Variants in PAXBP1 observed in about 807,000 individuals in gnomAD.
PAXBP1 encodes PAX3- and PAX7-binding protein 1.
In PAXBP1, 44 loss-of-function variants were observed where a neutral mutation model predicts 119.9. The observed-to-expected ratio is 0.37, with a 90% CI of 0.29 to 0.47. The LOEUF is 0.47. PAXBP1 is among the 20% of genes least tolerant of loss of function. The probability of loss-of-function intolerance (pLI) is 0.99; values close to 1 mark genes in which losing one functional copy is unlikely to be tolerated. For synonymous variants in PAXBP1, 393 were observed against 406.6 expected (o/e 0.97, Z 0.40); for missense variants, 898 against 1,134.1 (o/e 0.79, Z 2.99).
At chr21:32,736,138 G>A (rs1175769929) in intron 17 of PAXBP1, among the ~76,000 whole-genome samples, 1 of 152,084 alleles carries the variant, frequency 6.6e-6, no homozygotes, top group East Asian at 1.9e-4. Context: ...CACACACTAA[G>A]AACAAAATCA....
In PAXBP1 at chr21:32,751,212, G is replaced by A; in HGVS notation, c.1514C>T (p.Ala505Val). ...SSEFSSHSNK[A>V]LMAPNLDSFG... ...GGAGTCAAGATTTGGTGCCATCAGA[G>A]CTTTGTCTGCAAAACAACAACAGTT... The change falls in exon 9 of 18, where the codon GCT becomes GTT. Residue 505 changes from alanine to valine, a missense_variant. Physicochemically the swap from Ala to Val is moderately conservative, Grantham distance 64. This residue lies in a region of PAXBP1 where 599 missense variants were observed against 852.7 expected (regional missense o/e 0.70). Transcript: ENST00000331923. 1 of 1,613,880 alleles carries A rather than the reference G, an allele frequency of 6.2e-7. No individual in the cohort carries two copies. Among genetic ancestry groups the A allele is most frequent in the Non-Finnish European group, 8.5e-7 (1 of 1,179,820 alleles).
chr21:32,742,261 G>C (rs1001446308), intron 15 of PAXBP1: 1 of 150,902 alleles, frequency 6.6e-6, no homozygotes, highest in South Asian at 2.1e-4. Flanking sequence ...TTTTTTTTAA[G>C]GAAAAAATCT....
intron 13 of PAXBP1, among the ~76,000 whole-genome samples, chr21:32,744,580 C>G (rs540895912): frequency 4.6e-4 from 69 of 151,422 alleles, no homozygotes; most frequent in East Asian, 3.3e-3. Context: ...AAACTGAAAA[C>G]TAACATCTCT....
chr21:32,759,029 A>C, intron 7 of PAXBP1, 51 bp downstream of exon 7: 1 of 1,562,748 alleles, frequency 6.4e-7, no homozygotes, highest in Non-Finnish European at 8.8e-7. Flanking sequence ...GGCCATCTAG[A>C]CCTCCCTAAT....
intron 7 of PAXBP1, chr21:32,755,588 A>G (rs897955382): frequency 2.9e-6 from 1 of 350,462 alleles, no homozygotes; most frequent in Non-Finnish European, 5.1e-6. Flanking sequence ...AGCAAACATT[A>G]GTTAAGAAAT....
chr21:32,750,590 C>T (rs537311864), intron 10 of PAXBP1, among the ~76,000 whole-genome samples: 2 of 152,302 alleles, frequency 1.3e-5, no homozygotes, highest in Admixed American at 1.3e-4. Context: ...TACTGCCAAG[C>T]TTTACCTTTC....
chr21:32,748,754 A>G (rs2043913877), intron 10 of PAXBP1, 56 bp from the exon 11 acceptor site: 2 of 1,466,348 alleles, frequency 1.4e-6, no homozygotes, highest in Non-Finnish European at 1.9e-6. Flanking sequence ...TAGGAAAAAA[A>G]CAGTCCAATA....
intron 2 of PAXBP1, among the ~76,000 whole-genome samples, chr21:32,766,351 C>T (rs1018852975): frequency 5.3e-5 from 8 of 152,150 alleles, no homozygotes; most frequent in Admixed American, 5.2e-4. Flanking sequence ...TCACATGTTA[C>T]CCTTCCAGAC....
At position 32,759,897 on chromosome 21, in the gene PAXBP1, G is replaced by A. The variant is rs763777209; in HGVS notation, c.1073C>T (p.Thr358Met). Residue 358 changes from threonine (T) to methionine (M), a missense_variant, in exon 6 of 18, where the codon ACG (threonine) becomes ATG (methionine). This residue lies in a region of PAXBP1 where 599 missense variants were observed against 852.7 expected (regional missense o/e 0.70). Transcript: ENST00000331923. ...GSSYGIPYSY[T>M]AYGSSDAKSQ... is the part of the protein sequence containing the mutation. ...TTTGGCATCTGATGATCCATAGGCC[G>A]TATAACTATAAGGAATGCCATAGGA... 16 of 1,613,310 alleles carry A rather than the reference G, an allele frequency of 9.9e-6. No individual in the cohort carries two copies. The highest frequency in any genetic ancestry group is 5.0e-5 in the Admixed American group (3 of 59,998).
chr21:32,734,259 G>A lies in PAXBP1; in HGVS notation c.*691C>T, dbSNP rs2043661148. Reference sequence around the variant, plus strand: ...GGTCAGCCCAAAACCATGCAATTAGGTTGTGGGTTTATTATTTTCAAAAGT... The same window carrying A: ...GGTCAGCCCAAAACCATGCAATTAGATTGTGGGTTTATTATTTTCAAAAGT... On this transcript the variant is annotated 3_prime_UTR_variant, in exon 18 of 18. Transcript: ENST00000331923. 1 of 152,692 alleles carries A rather than the reference G, an allele frequency of 6.5e-6. No individual in the cohort carries two copies. Among genetic ancestry groups the A allele is most frequent in the South Asian group, 2.1e-4 (1 of 4,836 alleles). The allele number at this position is 152,692 out of a possible 1,614,324, so 9.5% of individuals were successfully genotyped here.
intron 2 of PAXBP1, among the ~76,000 whole-genome samples, chr21:32,766,741 T>C (rs2044248156): frequency 6.6e-6 from 1 of 152,208 alleles, no homozygotes; most frequent in African/African-American, 2.4e-5. Flanking sequence ...TCAAGCAATT[T>C]AGCAAAAGAT....
Position 32,764,544 on chromosome 21 carries a change from A to C in PAXBP1, c.473-20T>G. ...GTTCACCTAAATTTTTGAAGAATTAAAATATATGTAAAATAAAATTCATAA... is the reference window on the plus strand; with the variant it reads ...GTTCACCTAAATTTTTGAAGAATTACAATATATGTAAAATAAAATTCATAA... On this transcript the variant is annotated intron_variant, in intron 2 of 17. Transcript: ENST00000331923. The C allele has an allele frequency of 6.6e-7, 1 of 1,509,978 alleles. No individual in the cohort carries two copies. Among genetic ancestry groups the C allele is most frequent in the Non-Finnish European group, 8.9e-7 (1 of 1,120,002 alleles). The allele number at this position is 1,509,978 out of a possible 1,614,324, so 93.5% of individuals were successfully genotyped here.
chr21:32,771,143 C>A (rs910858286), intron 1 of PAXBP1, among the ~76,000 whole-genome samples, 183 bp downstream of exon 1: 13 of 152,240 alleles, frequency 8.5e-5, no homozygotes, highest in African/African-American at 3.1e-4. Context: ...CTGGGGGCAG[C>A]GCGGGAACGC....
At chr21:32,738,460 A>G in intron 15 of PAXBP1, 141 bp from the exon 16 acceptor site, 1 of 673,272 alleles carries the variant, frequency 1.5e-6, no homozygotes, top group East Asian at 3.1e-5. Flanking sequence ...TTTCAAAGGT[A>G]CAGATATTTC....
At chr21:32,770,723 C>A (rs2044324761) in intron 1 of PAXBP1, among the ~76,000 whole-genome samples, 1 of 152,190 alleles carries the variant, frequency 6.6e-6, no homozygotes, top group South Asian at 2.1e-4. Context: ...ATTTTTACAC[C>A]GTCTCGCTTC....
At position 32,738,680 on chromosome 21, in the gene PAXBP1, C is replaced by T. The variant is rs186836687; in HGVS notation, c.2335-361G>A. On this transcript the variant is annotated intron_variant, in intron 15 of 17. Coordinates refer to ENST00000331923, the MANE Select transcript of PAXBP1 (RefSeq NM_016631.4). ...CTATGCACACCCCCACCCCGCCCCG[C>T]GCTGCCCACAAAAGATGGGAGAGTC... is the stretch of plus-strand genomic sequence containing the variant. 2.7e-3 allele frequency among the ~76,000 whole-genome samples: 406 copies of T among 152,198 alleles called. 2 individuals are homozygous for T. Among genetic ancestry groups the T allele is most frequent in the Middle Eastern group, 6.8e-3 (2 of 294 alleles).
In PAXBP1 at chr21:32,764,365, A is replaced by G. The variant is rs1434507258; in HGVS notation, c.632T>C (p.Leu211Ser). ...GGAFSNALSS[L>S]NVLRPGEIPD... Reference sequence around the variant, plus strand: ...GTACACACCTGGACGAAGAACATTCAATGAAGATAAAGCATTTGAAAAAGC... The same window carrying G: ...GTACACACCTGGACGAAGAACATTCGATGAAGATAAAGCATTTGAAAAAGC... Residue 211 changes from leucine (L) to serine (S), a missense_variant, in exon 3 of 18, where the codon TTG becomes TCG. Around this residue, in one of 2 missense-constraint regions of PAXBP1, gnomAD observed 599 missense variants for 852.7 expected, o/e 0.70. Transcript: ENST00000331923. 6.2e-7 allele frequency: 1 copy of G among 1,613,698 alleles called. No individual in the cohort carries two copies. Among genetic ancestry groups the G allele is most frequent in the Non-Finnish European group, 8.5e-7 (1 of 1,179,860 alleles).
intron 16 of PAXBP1, 193 bp from the exon 17 acceptor site, chr21:32,737,601 C>A (rs2043711059): frequency 4.8e-6 from 2 of 416,500 alleles, no homozygotes; most frequent in African/African-American, 4.1e-5. Flanking sequence ...TAAATTTTTA[C>A]CCCAACCAAT....
intron 3 of PAXBP1, among the ~76,000 whole-genome samples, chr21:32,764,119 G>T (rs765126736): frequency 2.0e-5 from 3 of 151,786 alleles, no homozygotes; most frequent in Admixed American, 6.6e-5. Context: ...CCATTTACTT[G>T]AAGACTTATT....
Sources: gnomAD v4.1 joint callset for allele counts (sites outside exome capture counted in the v4.1 genomes callset) on GRCh38, gnomAD v4.1.1 for gene constraint, gnomAD v4.1.1 regional missense constraint, MANE v1.5 for transcripts, NCBI Gene and HGNC (gene_info 2026-07-23, HGNC 2026-07-21) for gene names.